SPIRE1: variants seen among roughly 807,000 people sequenced by gnomAD.
SPIRE1 encodes the protein protein spire homolog 1.
Under a neutral mutation model 94.1 loss-of-function variants are expected in SPIRE1, and 40 were observed. The ratio of observed to expected loss-of-function variants is 0.43; its 90% CI spans 0.33 to 0.55. The LOEUF (loss-of-function observed/expected upper bound fraction) is 0.55. Among genes scored for constraint, SPIRE1 ranks in the 20% least tolerant of loss-of-function variants. The pLI, the probability that SPIRE1 is intolerant of heterozygous loss-of-function variation, is 0.06. For missense variants in SPIRE1, 838 were observed against 975.2 expected, an observed-to-expected ratio of 0.86 and a Z score of 1.87; for synonymous variants, 376 against 371.7, an observed-to-expected ratio of 1.01 and a Z score of -0.13.
chr18:12,544,419 G>C (rs752736797), intron 3 of SPIRE1, among the ~76,000 whole-genome samples: 9 of 151,516 alleles, frequency 5.9e-5, no homozygotes, highest in Non-Finnish European at 1.0e-4. Flanking sequence ...TGGCCAGCTA[G>C]TCTTGAACTC....
At chr18:12,606,085 T>C (rs917197104) in intron 2 of SPIRE1, among the ~76,000 whole-genome samples, 1 of 152,120 alleles carries the variant, frequency 6.6e-6, no homozygotes, top group Admixed American at 6.6e-5. Context: ...AATTGAAAAA[T>C]GGAATTGAAG....
At chr18:12,474,005 G>C (rs146613887) in intron 10 of SPIRE1, among the ~76,000 whole-genome samples, 1 of 152,282 alleles carries the variant, frequency 6.6e-6, no homozygotes, top group Non-Finnish European at 1.5e-5. Flanking sequence ...CCATACAGTA[G>C]GTATTATGGT....
At chr18:12,623,193 G>T (rs2037524862) in intron 2 of SPIRE1, among the ~76,000 whole-genome samples, 1 of 150,902 alleles carries the variant, frequency 6.6e-6, no homozygotes, top group East Asian at 1.9e-4. Flanking sequence ...TCGCTCTGTT[G>T]CCCAGGCTGG....
chr18:12,656,192 C>CCCAG (rs1226674707), intron 1 of SPIRE1, among the ~76,000 whole-genome samples: 1 of 152,178 alleles, frequency 6.6e-6, no homozygotes. Context: ...AGCCACCGCA[C>CCCAG]CTGGCAGACA....
rs142651049 is a variant in SPIRE1 at position 12,533,174 on chromosome 18, C to T, written c.729+2302G>A. ...AAGGAGATATGAAAACAGGATGGAA[C>T]TAATGCCTATAAAGTCCTAGTCTTG... On this transcript the variant is annotated intron_variant, in intron 4 of 16. Transcript: ENST00000409402. 6.6e-5 allele frequency among the ~76,000 whole-genome samples: 10 copies of T among 152,256 alleles called. No homozygotes were observed. In the East Asian group the frequency reaches 1.7e-3, roughly 26 times the overall value.
chr18:12,575,284 C>T (rs777160816), intron 2 of SPIRE1, among the ~76,000 whole-genome samples: 6 of 151,244 alleles, frequency 4.0e-5, no homozygotes, highest in Non-Finnish European at 7.4e-5. Context: ...ACTCAGTGAA[C>T]ACAAAGAGTA....
chr18:12,599,249 A>C (rs1328722483), intron 2 of SPIRE1, among the ~76,000 whole-genome samples: 1 of 152,046 alleles, frequency 6.6e-6, no homozygotes, highest in African/African-American at 2.4e-5. Flanking sequence ...TTGTTGTCTT[A>C]TCTCTTTAGC....
chr18:12,522,336 T>C (rs1359824304), intron 4 of SPIRE1, among the ~76,000 whole-genome samples: 1 of 152,154 alleles, frequency 6.6e-6, no homozygotes, highest in Non-Finnish European at 1.5e-5. Flanking sequence ...AACTCTTCAA[T>C]TCTATGAAGG....
intron 1 of SPIRE1, among the ~76,000 whole-genome samples, chr18:12,650,052 A>C (rs956330351): frequency 1.1e-4 from 17 of 152,082 alleles, no homozygotes; most frequent in Admixed American, 1.1e-3. Flanking sequence ...CAGCATGATC[A>C]ATATGGAAAA....
chr18:12,622,421 C>CTTTTTTT lies in SPIRE1; in HGVS notation c.372+12634_372+12640dup, dbSNP rs71371281. On this transcript the variant is annotated intron_variant, in intron 2 of 16. Coordinates refer to ENST00000409402, the MANE Select transcript of SPIRE1 (RefSeq NM_001128626.2). ...AAGGGAAAACGGAGCTATGTCCAGT[C>CTTTTTTT]TTTTTTTTTTTTTTTTTTTGAGACA... is the stretch of plus-strand genomic sequence containing the variant. Among the ~76,000 whole-genome samples the CTTTTTTT allele has an allele frequency of 2.7e-3, 311 of 114,798 alleles. 5 individuals carry two copies. The highest frequency in any genetic ancestry group is 7.6e-3 in the Middle Eastern group (1 of 132). The allele number at this position is 114,798 out of a possible 152,430, so 75.3% of individuals were successfully genotyped here. A position where few individuals can be genotyped will look rare whatever the true frequency, so the allele number is the denominator to read the frequency against.
chr18:12,658,557 G>A (rs182085739), upstream of SPIRE1: 7 of 470,604 alleles, frequency 1.5e-5, no homozygotes, highest in South Asian at 7.8e-5. Context: ...GAAGTCACCC[G>A]CATTGACGTT....
intron 2 of SPIRE1, among the ~76,000 whole-genome samples, chr18:12,575,330 C>T (rs935714418): frequency 6.6e-6 from 1 of 151,908 alleles, no homozygotes; most frequent in Non-Finnish European, 1.5e-5. Flanking sequence ...AAAAGCTAGT[C>T]GTTTCTCAAA....
At chr18:12,612,846 C>T (rs1364286147) in intron 2 of SPIRE1, among the ~76,000 whole-genome samples, 1 of 152,150 alleles carries the variant, frequency 6.6e-6, no homozygotes, top group East Asian at 1.9e-4. Flanking sequence ...ATCTCAATAC[C>T]TTTTTCCTTA....
chr18:12,511,885 G>A (rs1045394116), intron 5 of SPIRE1, among the ~76,000 whole-genome samples: 17 of 151,868 alleles, frequency 1.1e-4, no homozygotes, highest in Middle Eastern at 3.4e-3. Context: ...CCACCAGCCC[G>A]GCTAATTTTT....
At chr18:12,454,683 T>C (rs2031423421) in intron 12 of SPIRE1, among the ~76,000 whole-genome samples, 200 bp from the exon 13 acceptor site, 1 of 152,178 alleles carries the variant, frequency 6.6e-6, no homozygotes, top group Non-Finnish European at 1.5e-5. Flanking sequence ...AGAAAACATG[T>C]GGGGACCAAG....
At chr18:12,456,901 G>A (rs1160369575) in intron 12 of SPIRE1, among the ~76,000 whole-genome samples, 1 of 152,208 alleles carries the variant, frequency 6.6e-6, no homozygotes, top group African/African-American at 2.4e-5. Flanking sequence ...ACAGTGGCAT[G>A]ATCTTGGCTC....
chr18:12,537,534 C>T (rs2034876866), intron 3 of SPIRE1, among the ~76,000 whole-genome samples: 1 of 152,194 alleles, frequency 6.6e-6, no homozygotes. Context: ...TGGTTGTAAA[C>T]TGCAACTTTA....
chr18:12,564,083 A>C (rs987191232), intron 2 of SPIRE1, among the ~76,000 whole-genome samples: 2 of 152,222 alleles, frequency 1.3e-5, no homozygotes, highest in African/African-American at 4.8e-5. Context: ...TTACAATGTC[A>C]GGTTAGAACT....
In SPIRE1 at chr18:12,496,120, G is replaced by C; in HGVS notation, c.973-18C>G. 6.4e-7 allele frequency: 1 copy of C among 1,559,884 alleles called. No individual in the cohort carries two copies. The highest frequency in any genetic ancestry group is 2.2e-5 in the East Asian group (1 of 44,568). On this transcript the variant is annotated intron_variant, in intron 6 of 16. Coordinates refer to ENST00000409402, the MANE Select transcript of SPIRE1 (RefSeq NM_001128626.2). ...CCATTCACCTAAAAGGAGACAAAAA[G>C]CAGAAGATTCATGTGACTATATAAG...
Sources: allele counts gnomAD v4.1 joint callset (sites outside exome capture counted in the v4.1 genomes callset), GRCh38; gene constraint gnomAD v4.1.1; transcripts MANE v1.5; gene names NCBI Gene and HGNC (gene_info 2026-07-23, HGNC 2026-07-21).